NELL2: variants seen among roughly 807,000 people sequenced by gnomAD.
The protein encoded by NELL2 is neural EGFL like 2.
A neutral mutation model predicts 109.6 loss-of-function variants in NELL2; 41 were observed. The observed-to-expected ratio is 0.37, with a 90% CI of 0.29 to 0.49. The LOEUF is 0.49. Ranked by LOEUF, NELL2 falls within the 20% of genes least tolerant of loss-of-function variation. NELL2 has a pLI of 0.98. For synonymous variants in NELL2, 355 were observed against 344.7 expected (o/e 1.03, Z -0.33); for missense variants, 900 against 1,008.3 (o/e 0.89, Z 1.45).
chr12:44,721,728 AT>A (rs149489120), intron 9 of NELL2, among the ~76,000 whole-genome samples: 3,741 of 152,156 alleles, frequency 0.025, 155 homozygotes, highest in African/African-American at 0.085. Context: ...GATTCTTTTC[AT>A]TATAAACCAA....
intron 2 of NELL2, among the ~76,000 whole-genome samples, chr12:44,862,569 A>G (rs770813379): frequency 6.6e-6 from 1 of 152,250 alleles, no homozygotes; most frequent in African/African-American, 2.4e-5. Flanking sequence ...TTATTTTCAC[A>G]TTGAAAATCA....
chr12:44,651,002 T>C (rs1407362918), intron 13 of NELL2, among the ~76,000 whole-genome samples: 1 of 152,224 alleles, frequency 6.6e-6, no homozygotes, highest in Non-Finnish European at 1.5e-5. Context: ...TGTTAGGAAC[T>C]GGGCCACACA....
In NELL2 at chr12:44,508,790, A is replaced by G. The variant is rs1377002; in HGVS notation, c.*144T>C. 168,289 of 694,962 alleles carry G rather than the reference A, an allele frequency of 0.24. 25,710 individuals carry two copies. Among genetic ancestry groups the G allele is most frequent in the East Asian group, 0.58 (21,057 of 36,546 alleles). The allele number at this position is 694,962 out of a possible 1,614,324, so 43.0% of individuals were successfully genotyped here. ...TTTTGTGATTTTGTCAAGCTCCACA[A>G]ATTTCATAATTGAAAGTTCACTCAG... On this transcript the variant is annotated 3_prime_UTR_variant, in exon 20 of 20. Transcript: ENST00000429094.
chr12:44,576,755 C>T (rs1944102267), intron 15 of NELL2, among the ~76,000 whole-genome samples: 1 of 152,030 alleles, frequency 6.6e-6, no homozygotes, highest in Admixed American at 6.6e-5. Flanking sequence ...TCCATGTGAC[C>T]TCATTGTTCA....
chr12:44,629,137 T>C (rs1431206118), intron 13 of NELL2, among the ~76,000 whole-genome samples: 1 of 152,172 alleles, frequency 6.6e-6, no homozygotes, highest in Non-Finnish European at 1.5e-5. Flanking sequence ...GTGAGAATCA[T>C]TTCAATTCAA....
intron 9 of NELL2, among the ~76,000 whole-genome samples, chr12:44,748,393 C>T (rs572681753): frequency 6.6e-5 from 10 of 152,046 alleles, no homozygotes; most frequent in African/African-American, 2.2e-4. Context: ...GACAAGGAAT[C>T]GCTACTTCTT....
At chr12:44,850,004 C>T (rs545628057) in intron 2 of NELL2, among the ~76,000 whole-genome samples, 1 of 152,122 alleles carries the variant, frequency 6.6e-6, no homozygotes, top group Non-Finnish European at 1.5e-5. Flanking sequence ...CAAAGGGGCA[C>T]ATGGAACTTT....
At chr12:44,864,164 C>T (rs1459444383) in intron 2 of NELL2, among the ~76,000 whole-genome samples, 1 of 151,990 alleles carries the variant, frequency 6.6e-6, no homozygotes, top group African/African-American at 2.4e-5. Flanking sequence ...TAAATATGTC[C>T]AAAACTTCCA....
At chr12:44,911,373 G>T (rs546777611) in intron 1 of NELL2, among the ~76,000 whole-genome samples, 140 of 151,820 alleles carry the variant, frequency 9.2e-4, no homozygotes, top group Non-Finnish European at 1.5e-3. Flanking sequence ...CAATAAAAAA[G>T]AAATAACATA....
In NELL2 at chr12:44,711,406, C is replaced by A. The variant is rs532372209; in HGVS notation, c.1087-12G>T. 2.2e-5 allele frequency: 36 copies of A among 1,604,336 alleles called. No homozygotes were observed. The African/African-American group carries it at 4.4e-4, about 20-fold the overall frequency. ...TTCATGGTCTGGTCCTGTTAGACAA[C>A]AGAAAAGAAGTGCTTCAAATTTTAT... On this transcript the variant is annotated splice_polypyrimidine_tract_variant and intron_variant, in intron 10 of 19. Transcript: ENST00000429094.
intron 2 of NELL2, among the ~76,000 whole-genome samples, chr12:44,869,307 T>G (rs556794143): frequency 1.8e-4 from 28 of 152,302 alleles, no homozygotes; most frequent in African/African-American, 6.7e-4. Flanking sequence ...GGTCTAGAAA[T>G]AAGCTTCTGT....
intron 12 of NELL2, among the ~76,000 whole-genome samples, chr12:44,700,866 A>G (rs1949208532): frequency 6.6e-6 from 1 of 152,150 alleles, no homozygotes; most frequent in Admixed American, 6.5e-5. Flanking sequence ...CTCAATAAAT[A>G]TTTATCAAAT....
chr12:44,769,375 G>T (rs1185616418), intron 9 of NELL2, among the ~76,000 whole-genome samples: 1 of 151,950 alleles, frequency 6.6e-6, no homozygotes, highest in East Asian at 1.9e-4. Flanking sequence ...TAGTCACCTG[G>T]GAAATAACAA....
intron 1 of NELL2, among the ~76,000 whole-genome samples, chr12:44,911,450 C>T (rs952356234): frequency 6.6e-6 from 1 of 151,658 alleles, no homozygotes; most frequent in Non-Finnish European, 1.5e-5. Flanking sequence ...GTAAGTATTC[C>T]AAGTAACATT....
At chr12:44,895,983 A>G (rs1048045641) in intron 1 of NELL2, among the ~76,000 whole-genome samples, 1 of 152,340 alleles carries the variant, frequency 6.6e-6, no homozygotes, top group South Asian at 2.1e-4. Context: ...AACATGCTAT[A>G]TTCTGATTAT....
intron 15 of NELL2, among the ~76,000 whole-genome samples, chr12:44,541,713 G>T (rs943185495): frequency 1.3e-5 from 2 of 152,024 alleles, no homozygotes; most frequent in African/African-American, 4.8e-5. Flanking sequence ...GTCAACCGGG[G>T]TCCCCAAACA....
intron 13 of NELL2, among the ~76,000 whole-genome samples, chr12:44,619,810 A>C (rs1392696364): frequency 1.3e-5 from 2 of 152,206 alleles, no homozygotes; most frequent in African/African-American, 4.8e-5. Context: ...CAAAATCACA[A>C]GATTTGAATC....
At chr12:44,708,584 T>C (rs1181081198) in intron 11 of NELL2, among the ~76,000 whole-genome samples, 1 of 152,200 alleles carries the variant, frequency 6.6e-6, no homozygotes, top group Non-Finnish European at 1.5e-5. Context: ...AAACTTGACT[T>C]CTTTTAGTTT....
At chr12:44,795,514 AT>A (rs1199707349) in intron 3 of NELL2, among the ~76,000 whole-genome samples, 1 of 152,154 alleles carries the variant, frequency 6.6e-6, no homozygotes, top group Admixed American at 6.5e-5. Flanking sequence ...AATGGTAACT[AT>A]TTTTATTATT....
Sources: allele counts gnomAD v4.1 joint callset (sites outside exome capture counted in the v4.1 genomes callset), GRCh38; gene constraint gnomAD v4.1.1; transcripts MANE v1.5; gene names NCBI Gene and HGNC (gene_info 2026-07-23, HGNC 2026-07-21).